STOX2: variants seen among roughly 807,000 people sequenced by gnomAD.
STOX2 encodes the protein storkhead box 2.
A neutral mutation model predicts 60.9 loss-of-function variants in STOX2; 28 were observed. That is an observed-to-expected ratio of 0.46 (90% CI 0.34 to 0.63). STOX2 has a LOEUF of 0.63. Among genes scored for constraint, STOX2 ranks in the 30% least tolerant of loss-of-function variants. The probability of loss-of-function intolerance (pLI) is 0.01; values close to 1 mark genes in which losing one functional copy is unlikely to be tolerated. For missense variants in STOX2, 1,024 were observed against 1,187.7 expected (o/e 0.86, Z 2.03); for synonymous variants, 472 against 463.9 (o/e 1.02, Z -0.22).
chr4:183,944,047 A>G (rs1424420351), intron 1 of STOX2, among the ~76,000 whole-genome samples: 1 of 152,244 alleles, frequency 6.6e-6, no homozygotes, highest in Non-Finnish European at 1.5e-5. Flanking sequence ...AGACAGACAA[A>G]TGCAAGAGAA....
At chr4:183,934,818 T>C (rs1235869959) in intron 1 of STOX2, among the ~76,000 whole-genome samples, 1 of 152,234 alleles carries the variant, frequency 6.6e-6, no homozygotes, top group Non-Finnish European at 1.5e-5. Context: ...ATAGTAAAAT[T>C]AGGTGTATTT....
intron 1 of STOX2, among the ~76,000 whole-genome samples, chr4:183,993,691 C>G (rs370953526): frequency 1.3e-5 from 2 of 152,206 alleles, no homozygotes; most frequent in African/African-American, 4.8e-5. Flanking sequence ...CCATCGGGCT[C>G]AGCCTTCAAC....
intron 1 of STOX2, among the ~76,000 whole-genome samples, chr4:183,868,792 G>A (rs1213722306): frequency 2.0e-5 from 3 of 152,188 alleles, no homozygotes; most frequent in Admixed American, 1.3e-4. Flanking sequence ...GAAATAAGAT[G>A]TCCGGCTTAA....
intron 1 of STOX2, among the ~76,000 whole-genome samples, chr4:183,900,255 C>A (rs548632415): frequency 1.3e-5 from 2 of 152,154 alleles, no homozygotes; most frequent in Non-Finnish European, 2.9e-5. Flanking sequence ...TGTTTTCATG[C>A]CTGATAACAC....
intron 1 of STOX2, among the ~76,000 whole-genome samples, chr4:183,993,480 T>A (rs1733198527): frequency 6.6e-6 from 1 of 152,240 alleles, no homozygotes; most frequent in Admixed American, 6.5e-5. Context: ...CACCAGTATT[T>A]CAGTATGATT....
At chr4:183,905,040 A>AT (rs1741548487), upstream of STOX2, among the ~76,000 whole-genome samples, 6 of 152,382 alleles carry the variant, frequency 3.9e-5, no homozygotes, top group South Asian at 6.2e-4. Context: ...GCGCTGAAAA[A>AT]GGAAATCGGG....
At chr4:183,934,965 C>A (rs183879455) in intron 1 of STOX2, among the ~76,000 whole-genome samples, 1 of 152,360 alleles carries the variant, frequency 6.6e-6, no homozygotes, top group Admixed American at 6.5e-5. Flanking sequence ...GCACAGTCAT[C>A]GCCATTGCCA....
intron 2 of STOX2, among the ~76,000 whole-genome samples, chr4:184,008,177 A>G (rs569528790): frequency 4.6e-5 from 7 of 152,312 alleles, no homozygotes; most frequent in African/African-American, 1.7e-4. Context: ...TCTTCTAAGT[A>G]TTACCACCCT....
chr4:183,885,610 G>A (rs561135522), intron 1 of STOX2, among the ~76,000 whole-genome samples: 133 of 152,326 alleles, frequency 8.7e-4, no homozygotes, highest in Non-Finnish European at 1.6e-3. Context: ...GCTTCTGGAA[G>A]CTAAACAAAG....
At chr4:183,928,220 G>GT (rs1742302091) in intron 1 of STOX2, among the ~76,000 whole-genome samples, 1 of 5,154 alleles carries the variant, frequency 1.9e-4, no homozygotes, top group African/African-American at 4.3e-4. Flanking sequence ...GGAGCCCTCG[G>GT]GGGGGGGCAT....
intron 1 of STOX2, among the ~76,000 whole-genome samples, chr4:183,831,862 T>G (rs1739575886): frequency 6.6e-6 from 1 of 152,184 alleles, no homozygotes; most frequent in East Asian, 1.9e-4. Context: ...GGCTTTGTAC[T>G]TCCTCTTTTC....
At chr4:183,800,086 C>G (rs1738725725) in intron 1 of STOX2, among the ~76,000 whole-genome samples, 1 of 152,214 alleles carries the variant, frequency 6.6e-6, no homozygotes, top group South Asian at 2.1e-4. Flanking sequence ...GGTTAAAAAT[C>G]TCCACTGGAA....
chr4:183,903,729 C>T (rs1373061789), upstream of STOX2, among the ~76,000 whole-genome samples: 4 of 152,156 alleles, frequency 2.6e-5, no homozygotes. Context: ...AATGTCAGTT[C>T]TCCTACATTC....
chr4:183,948,675 G>T (rs576607248), intron 1 of STOX2, among the ~76,000 whole-genome samples: 2 of 148,136 alleles, frequency 1.4e-5, no homozygotes, highest in South Asian at 4.4e-4. Flanking sequence ...GGGATTACAG[G>T]CACCCACCAC....
intron 1 of STOX2, among the ~76,000 whole-genome samples, chr4:183,826,678 G>A (rs1201656328): frequency 3.3e-5 from 5 of 152,200 alleles, no homozygotes; most frequent in East Asian, 1.9e-4. Flanking sequence ...TTTCCCGACC[G>A]TGGAATCTGC....
At chr4:183,985,431 T>G (rs76111313) in intron 1 of STOX2, among the ~76,000 whole-genome samples, 4,377 of 152,248 alleles carry the variant, frequency 0.029, 74 homozygotes, top group Admixed American at 0.064. Flanking sequence ...CTGCCTTGGG[T>G]TGAAATCCCA....
intron 1 of STOX2, among the ~76,000 whole-genome samples, chr4:183,942,897 TGGCTTTTGATTTTG>T (rs1742790411): frequency 1.3e-5 from 2 of 152,332 alleles, no homozygotes; most frequent in Admixed American, 1.3e-4. Flanking sequence ...GTAAAGTAAA[TGGCTTTTGATTTTG>T]TATTGCTACA....
intron 1 of STOX2, among the ~76,000 whole-genome samples, chr4:183,880,132 C>T (rs1579367512): frequency 6.6e-6 from 1 of 152,102 alleles, no homozygotes; most frequent in Non-Finnish European, 1.5e-5. Flanking sequence ...GCATGCACCA[C>T]CATGCCCAGC....
rs1739709158 is a variant in STOX2 at position 183,836,382 on chromosome 4, T to C, written c.364+38327T>C. Among the ~76,000 whole-genome samples, 1 of 152,178 alleles carries C rather than the reference T, an allele frequency of 6.6e-6. No homozygotes were observed. Among genetic ancestry groups the C allele is most frequent in the South Asian group, 2.1e-4 (1 of 4,826 alleles). On this transcript the variant is annotated intron_variant, in intron 1 of 2. Coordinates refer to the STOX2 transcript ENST00000513034. This position sits in a 1 kb window ranked among gnomAD's most constrained non-coding sequence, Gnocchi z 4.1. ...CCACTAAAAATAAACATAAGGAGTG[T>C]CACTACGTTAGCAGCATAGGCTGTT...
Sources: allele counts gnomAD v4.1 joint callset (sites outside exome capture counted in the v4.1 genomes callset), GRCh38; gene constraint gnomAD v4.1.1; non-coding constraint Gnocchi (gnomAD v3.1); transcripts MANE v1.5; gene names NCBI Gene and HGNC (gene_info 2026-07-23, HGNC 2026-07-21).